The following LRSAM1 variants were observed in gnomAD, a reference collection of about 807,000 sequenced individuals.
LRSAM1 encodes E3 ubiquitin-protein ligase LRSAM1.
Under a neutral mutation model 118.1 loss-of-function variants are expected in LRSAM1, and 96 were observed. The observed-to-expected ratio is 0.81, with a 90% CI of 0.69 to 0.96. The LOEUF is 0.96. Ranked by LOEUF, LRSAM1 falls within the 40% of genes least tolerant of loss-of-function variation. The pLI is 0.00. For synonymous variants in LRSAM1, 322 were observed against 364.2 expected, an observed-to-expected ratio of 0.88 and a Z score of 1.32; for missense variants, 804 against 915.5, an observed-to-expected ratio of 0.88 and a Z score of 1.57.
At chr9:127,458,399 C>A (rs28654608) in intron 6 of LRSAM1, among the ~76,000 whole-genome samples, 84,291 of 140,632 alleles carry the variant, frequency 0.6, 26,229 homozygotes, top group African/African-American at 0.63. Flanking sequence ...AAAAACAAAA[C>A]AAAACAAAAC....
rs374043025 is a variant in LRSAM1 at position 127,458,975 on chromosome 9, G to A, written c.253-28G>A. On this transcript the variant is annotated intron_variant, in intron 6 of 25. Coordinates refer to ENST00000300417, the MANE Select transcript of LRSAM1 (RefSeq NM_001005373.4). ...GGAGTCTGAGGGACTTTCTCACTTGGAGACTCACAGGGGTCTTTCTTCTGC... is the reference window on the plus strand; with the variant it reads ...GGAGTCTGAGGGACTTTCTCACTTGAAGACTCACAGGGGTCTTTCTTCTGC... The A allele has an allele frequency of 4.4e-5, 71 of 1,612,420 alleles. No homozygotes were observed. In the African/African-American group the frequency reaches 8.5e-4, roughly 19 times the overall value.
chr9:127,452,536 TA>T (rs1193241814), intron 2 of LRSAM1, among the ~76,000 whole-genome samples: 3 of 152,332 alleles, frequency 2.0e-5, no homozygotes, highest in South Asian at 2.1e-4. Context: ...CTAGCTCCTC[TA>T]GCGGGCCCTG....
At chr9:127,476,866 G>A (rs1336526999) in intron 11 of LRSAM1, among the ~76,000 whole-genome samples, 2 of 151,964 alleles carry the variant, frequency 1.3e-5, no homozygotes, top group African/African-American at 2.4e-5. Context: ...TAGTAGAGAC[G>A]GGGTTTCACC....
At chr9:127,459,799 T>C (rs971365203) in intron 7 of LRSAM1, among the ~76,000 whole-genome samples, 2 of 152,170 alleles carry the variant, frequency 1.3e-5, no homozygotes, top group Non-Finnish European at 1.5e-5. Flanking sequence ...CCTCAGGTGA[T>C]CCACCCGTCT....
chr9:127,482,990 A>C lies in LRSAM1; in HGVS notation c.1129A>C (p.Thr377Pro). The change falls in exon 16 of 26, where the codon ACT becomes CCT. Residue 377 changes from threonine to proline, a missense_variant. Coordinates refer to ENST00000300417, the MANE Select transcript of LRSAM1 (RefSeq NM_001005373.4). ...EQLMSITQEE[T>P]ESLRRRDVAS... Reference sequence around the variant, plus strand: ...GTTGATGTCCATAACCCAGGAGGAGACTGAGAGCCTGCGGCGACGTGACGT... The same window carrying C: ...GTTGATGTCCATAACCCAGGAGGAGCCTGAGAGCCTGCGGCGACGTGACGT... The C allele has an allele frequency of 1.3e-6, 2 of 1,583,572 alleles. No homozygotes were observed. Among genetic ancestry groups the C allele is most frequent in the Non-Finnish European group, 8.6e-7 (1 of 1,165,006 alleles).
intron 8 of LRSAM1, among the ~76,000 whole-genome samples, chr9:127,461,853 C>A (rs1162236603): frequency 6.6e-6 from 1 of 152,242 alleles, no homozygotes; most frequent in South Asian, 2.1e-4. Flanking sequence ...TGCAGAGTGC[C>A]TCTGTTTATC....
intron 16 of LRSAM1, among the ~76,000 whole-genome samples, chr9:127,484,263 C>CTTTTTTTTTTTTTTTTTTCCTTTT (rs35834839): frequency 7.5e-6 from 1 of 133,684 alleles, no homozygotes; most frequent in Admixed American, 7.7e-5. Flanking sequence ...ATTTCTTTCC[C>CTTTTTTTTTTTTTTTTTTCCTTTT]TTTTTTTTTT....
chr9:127,486,844 AG>A (rs1170085179), intron 17 of LRSAM1: 3 of 152,288 alleles, frequency 2.0e-5, no homozygotes, highest in African/African-American at 7.2e-5. Flanking sequence ...GTTGTGAAGC[AG>A]GGACCTCACT....
Position 127,473,897 on chromosome 9 carries a change from C to G in LRSAM1, c.716C>G (p.Thr239Arg), listed in dbSNP as rs565827207. The change falls in exon 11 of 26, where the codon ACG becomes AGG. Residue 239 changes from threonine to arginine, a missense_variant. By Grantham distance (71) the Thr-to-Arg change is moderately conservative. Coordinates refer to ENST00000300417, the MANE Select transcript of LRSAM1 (RefSeq NM_001005373.4). ...TCTCGGGACAGCCCTGATGGGCCCACGGACAGATTCTCAAGGGAGGAGTTA... is the reference window on the plus strand; with the variant it reads ...TCTCGGGACAGCCCTGATGGGCCCAGGGACAGATTCTCAAGGGAGGAGTTA... ...ENSRDSPDGP[T>R]DRFSREELEW... 6 of 1,614,228 alleles carry G rather than the reference C, an allele frequency of 3.7e-6. No individual in the cohort carries two copies. The African/African-American group carries it at 6.7e-5, about 18-fold the overall frequency.
chr9:127,489,816 C>T (rs1490063008), intron 19 of LRSAM1, among the ~76,000 whole-genome samples: 2 of 152,244 alleles, frequency 1.3e-5, no homozygotes, highest in African/African-American at 2.4e-5. Context: ...TTTGACTGCT[C>T]CAGCTGCCTC....
chr9:127,477,475 C>T (rs181001966), intron 11 of LRSAM1, among the ~76,000 whole-genome samples: 3 of 152,316 alleles, frequency 2.0e-5, no homozygotes, highest in Admixed American at 6.5e-5. Context: ...GTGTGCCAGG[C>T]GCAGTGGCTC....
chr9:127,458,367 C>A (rs551417285), intron 6 of LRSAM1, among the ~76,000 whole-genome samples: 1 of 147,364 alleles, frequency 6.8e-6, no homozygotes, highest in East Asian at 2.0e-4. Context: ...CCGGCGTGGG[C>A]GACAGAGCGA....
chr9:127,497,239 T>C lies in LRSAM1; in HGVS notation c.1831-14T>C, dbSNP rs1209622182. 1.2e-6 allele frequency: 2 copies of C among 1,612,654 alleles called. No homozygotes were observed. The highest frequency in any genetic ancestry group is 1.7e-6 in the Non-Finnish European group (2 of 1,179,742). On this transcript the variant is annotated splice_polypyrimidine_tract_variant and intron_variant, in intron 23 of 25. Transcript: ENST00000300417. ...CGCCCAGGCCACAGTCTGCACTTCC[T>C]TGAACTGTCACAGGTGGGCGTCTCA...
chr9:127,460,174 T>C (rs540823744), intron 7 of LRSAM1, among the ~76,000 whole-genome samples: 1 of 152,190 alleles, frequency 6.6e-6, no homozygotes, highest in East Asian at 1.9e-4. Flanking sequence ...TAATTTTTTA[T>C]ATTTTAGTAG....
At chr9:127,480,365 T>C (rs948729629) in intron 14 of LRSAM1, among the ~76,000 whole-genome samples, 3 of 152,204 alleles carry the variant, frequency 2.0e-5, no homozygotes, top group Non-Finnish European at 4.4e-5. Flanking sequence ...GAGATTTGCC[T>C]TAACAAACCC....
At chr9:127,498,652 G>C (rs544896032) in intron 24 of LRSAM1, among the ~76,000 whole-genome samples, 2 of 152,344 alleles carry the variant, frequency 1.3e-5, no homozygotes, top group South Asian at 4.1e-4. Flanking sequence ...GTGCCCATTG[G>C]CAGGGGAAGG....
rs1050695505 is a variant in LRSAM1, at chr9:127,503,275, A to C, written c.*376A>C. 1 of 303,794 alleles carries C rather than the reference A, an allele frequency of 3.3e-6. No individual in the cohort carries two copies. Among genetic ancestry groups the C allele is most frequent in the Non-Finnish European group, 6.5e-6 (1 of 154,560 alleles). The allele number at this position is 303,794 out of a possible 1,614,324, so 18.8% of individuals were successfully genotyped here. A position where few individuals can be genotyped will look rare whatever the true frequency, so the allele number is the denominator to read the frequency against. ...TGGGGGCCATGCACAGGCCCGTCCC[A>C]CCCTGCATGTGGGAAGGGAGCAGGA... On this transcript the variant is annotated 3_prime_UTR_variant, in exon 26 of 26. Coordinates refer to ENST00000300417, the MANE Select transcript of LRSAM1 (RefSeq NM_001005373.4).
intron 7 of LRSAM1, among the ~76,000 whole-genome samples, chr9:127,460,068 C>T (rs1329337617): frequency 2.0e-5 from 3 of 151,252 alleles, no homozygotes; most frequent in East Asian, 2.0e-4. Flanking sequence ...GGTGTGATCT[C>T]GGCTCACTGC....
At chr9:127,454,686 G>A (rs545615822) in intron 3 of LRSAM1, 87 bp downstream of exon 3, 112 of 1,366,822 alleles carry the variant, frequency 8.2e-5, no homozygotes, top group East Asian at 4.8e-4. Flanking sequence ...CCAACAAGCC[G>A]TGCTCCTTCC....
Sources: gnomAD v4.1 joint callset for allele counts (sites outside exome capture counted in the v4.1 genomes callset) on GRCh38, gnomAD v4.1.1 for gene constraint, MANE v1.5 for transcripts, NCBI Gene and HGNC (gene_info 2026-07-23, HGNC 2026-07-21) for gene names.